Variants in ZMYM2 observed in about 807,000 individuals in gnomAD.
ZMYM2 encodes the protein zinc finger MYM-type containing 2.
A neutral mutation model predicts 162.8 loss-of-function variants in ZMYM2; 56 were observed. That is an observed-to-expected ratio of 0.34 (90% CI 0.28 to 0.43). ZMYM2 has a LOEUF of 0.43. ZMYM2 is among the 20% of genes least tolerant of loss of function. The pLI, the probability that ZMYM2 is intolerant of heterozygous loss-of-function variation, is 1.00. For synonymous variants in ZMYM2, 510 were observed against 541.6 expected (o/e 0.94, Z 0.81); for missense variants, 1,275 against 1,621.8 (o/e 0.79, Z 3.67).
rs777001869 is a variant in ZMYM2 at position 20,005,234 on chromosome 13, A to G, written c.1294A>G (p.Thr432Ala). 1.3e-6 allele frequency: 2 copies of G among 1,540,862 alleles called. No homozygotes were observed. The highest frequency in any genetic ancestry group is 1.7e-6 in the Non-Finnish European group (2 of 1,152,538). Residue 432 changes from threonine to alanine, a missense_variant, in exon 5 of 25, where the codon ACT becomes GCT. Thr to Ala is a moderately conservative substitution (Grantham distance 58). This residue lies in a region of ZMYM2 where 276 missense variants were observed against 311.8 expected (regional missense o/e 0.89). Transcript: ENST00000610343. ...KSRCTICGKL[T>A]EIRHEVSFKN... ...AAGATGTACAATCTGTGGTAAACTAACTGAGGTTTGTATTTTTTTTCTTTA... is the reference window on the plus strand; with the variant it reads ...AAGATGTACAATCTGTGGTAAACTAGCTGAGGTTTGTATTTTTTTTCTTTA...
At chr13:19,883,835 C>A in the ZMYM2 span, among the ~76,000 whole-genome samples, 2 of 152,186 alleles carry the variant, frequency 1.3e-5, no homozygotes, top group Non-Finnish European at 2.9e-5. Context: ...CGCCTCACGG[C>A]AACCCCCACC....
intron 1 of ZMYM2, 74 bp from the exon 2 acceptor site, chr13:19,959,884 C>G (rs1480865379): frequency 6.6e-6 from 1 of 152,252 alleles, no homozygotes; most frequent in East Asian, 1.9e-4. Flanking sequence ...CTGCCTCCTT[C>G]TGGCAGAAAG....
At chr13:19,863,903 C>G in the ZMYM2 span, 3 of 113,678 alleles carry the variant, frequency 2.6e-5, no homozygotes, top group African/African-American at 7.9e-5. Flanking sequence ...GGTCTCCCGC[C>G]CCCAGCTACC....
At chr13:19,899,846 A>G in the ZMYM2 span, among the ~76,000 whole-genome samples, 3 of 148,904 alleles carry the variant, frequency 2.0e-5, no homozygotes, top group African/African-American at 7.4e-5. Flanking sequence ...AAAGGAAAAC[A>G]GTAGAGGAAA....
chr13:20,016,514 A>G (rs766756443), intron 6 of ZMYM2, among the ~76,000 whole-genome samples: 13 of 152,120 alleles, frequency 8.5e-5, no homozygotes, highest in Non-Finnish European at 1.8e-4. Context: ...TCCTTTTAGC[A>G]TTTGTTTTGT....
At chr13:20,028,118 A>G (rs960170398) in intron 9 of ZMYM2, 3 of 170,076 alleles carry the variant, frequency 1.8e-5, no homozygotes, top group African/African-American at 7.1e-5. Flanking sequence ...TCTTAAGTAT[A>G]ATAGTTACTA....
the ZMYM2 span, among the ~76,000 whole-genome samples, chr13:19,935,359 A>G: frequency 6.7e-6 from 1 of 149,310 alleles, no homozygotes; most frequent in Admixed American, 6.6e-5. Flanking sequence ...CTGGTCTTGA[A>G]CTCCTGACCT....
At chr13:19,909,164 A>G in the ZMYM2 span, among the ~76,000 whole-genome samples, 1 of 152,088 alleles carries the variant, frequency 6.6e-6, no homozygotes. Flanking sequence ...CTAACATTTT[A>G]ATTGCTTAAT....
chr13:19,884,114 TAA>T, the ZMYM2 span, among the ~76,000 whole-genome samples: 3 of 152,332 alleles, frequency 2.0e-5, no homozygotes, highest in Admixed American at 6.5e-5. Context: ...CACAAGCCTG[TAA>T]TCCTAGCACC....
At chr13:20,056,972 C>T (rs1473478456) in intron 14 of ZMYM2, among the ~76,000 whole-genome samples, 3 of 152,218 alleles carry the variant, frequency 2.0e-5, no homozygotes, top group African/African-American at 7.2e-5. Context: ...GTCAACAAGG[C>T]ACAAGAGCCA....
Position 20,003,101 on chromosome 13 carries a change from C to G in ZMYM2, c.1099C>G (p.Pro367Ala), listed in dbSNP as rs1292981238. Reference sequence around the variant, plus strand: ...CTGCCTTTCTTCCTTCTCCCACAAGCCTGCTCCAAAGAAACTCTGTGTTAT... The same window carrying G: ...CTGCCTTTCTTCCTTCTCCCACAAGGCTGCTCCAAAGAAACTCTGTGTTAT... ...TTCLSSFSHKPAPKKLCVMCK... is the reference protein window; with the variant it reads ...TTCLSSFSHKAAPKKLCVMCK... The change falls in exon 4 of 25, where the codon CCT becomes GCT. Residue 367 changes from proline to alanine, a missense_variant. Pro to Ala is a conservative substitution (Grantham distance 27). Transcript: ENST00000610343. The G allele has an allele frequency of 1.2e-6, 2 of 1,614,056 alleles. No homozygotes were observed. The highest frequency in any genetic ancestry group is 1.7e-6 in the Non-Finnish European group (2 of 1,180,032).
intron 6 of ZMYM2, among the ~76,000 whole-genome samples, chr13:20,014,338 T>G (rs1951438954): frequency 6.6e-6 from 1 of 152,094 alleles, no homozygotes; most frequent in African/African-American, 2.4e-5. Flanking sequence ...TCCCAAAATG[T>G]TGGGATTATA....
At chr13:19,895,877 GATTA>G in the ZMYM2 span, among the ~76,000 whole-genome samples, 25 of 151,474 alleles carry the variant, frequency 1.7e-4, no homozygotes, top group South Asian at 2.1e-3. Context: ...AGTGTAAATT[GATTA>G]ATTAATAAAT....
chr13:19,896,424 G>A, the ZMYM2 span, among the ~76,000 whole-genome samples: 12 of 150,972 alleles, frequency 7.9e-5, no homozygotes, highest in Non-Finnish European at 8.8e-5. Flanking sequence ...GATTACAGGC[G>A]TGAGCCACTG....
At chr13:19,966,114 G>GT (rs1166436755) in intron 2 of ZMYM2, among the ~76,000 whole-genome samples, 1,977 of 134,958 alleles carry the variant, frequency 0.015, 13 homozygotes, top group Middle Eastern at 0.05. Context: ...ATATTTGCTT[G>GT]TTTTTTTTTT....
chr13:19,996,676 C>T (rs1950040238), intron 3 of ZMYM2, among the ~76,000 whole-genome samples: 1 of 152,014 alleles, frequency 6.6e-6, no homozygotes, highest in African/African-American at 2.4e-5. Flanking sequence ...GAGATTGCAC[C>T]ACTGCACTCC....
intron 18 of ZMYM2, among the ~76,000 whole-genome samples, chr13:20,063,217 A>G (rs1956362774): frequency 6.6e-6 from 1 of 152,052 alleles, no homozygotes; most frequent in Admixed American, 6.6e-5. Flanking sequence ...AGCCTGGGCA[A>G]TGTGGTGAAA....
chr13:19,903,570 TA>T, the ZMYM2 span, among the ~76,000 whole-genome samples: 1 of 149,860 alleles, frequency 6.7e-6, no homozygotes, highest in Non-Finnish European at 1.5e-5. Flanking sequence ...TTAGCCCAAT[TA>T]AAAACAAAAA....
At position 20,030,398 on chromosome 13, in the gene ZMYM2, A is replaced by ATT. The variant is rs537381497; in HGVS notation, c.1852-904_1852-903dup. 4.8e-3 allele frequency among the ~76,000 whole-genome samples: 548 copies of ATT among 115,124 alleles called. 18 individuals carry two copies. The highest frequency in any genetic ancestry group is 0.015 in the South Asian group (52 of 3,434). 75.5% of individuals were successfully genotyped at this position (115,124 alleles called of 152,430 possible). ...AGGCGTGCGCCACCATGCTCAGCTAATTTTTTTTTTTTTTTTTTGAGACGG... is the reference window on the plus strand; with the variant it reads ...AGGCGTGCGCCACCATGCTCAGCTAATTTTTTTTTTTTTTTTTTTTGAGACGG... On this transcript the variant is annotated intron_variant, in intron 9 of 24. Coordinates refer to ENST00000610343, the MANE Select transcript of ZMYM2 (RefSeq NM_197968.4).
Sources: gnomAD v4.1 joint callset for allele counts (sites outside exome capture counted in the v4.1 genomes callset) on GRCh38, gnomAD v4.1.1 for gene constraint, gnomAD v4.1.1 regional missense constraint, MANE v1.5 for transcripts, NCBI Gene and HGNC (gene_info 2026-07-23, HGNC 2026-07-21) for gene names.